RAB3A: variants seen among roughly 807,000 people sequenced by gnomAD.
RAB3A encodes ras-related protein Rab-3A.
Under a neutral mutation model 19.7 loss-of-function variants are expected in RAB3A, and 5 were observed. The ratio of observed to expected loss-of-function variants is 0.25; its 90% CI spans 0.13 to 0.53. The LOEUF is 0.53. RAB3A is among the 20% of genes least tolerant of loss of function. The pLI, the probability that RAB3A is intolerant of heterozygous loss-of-function variation, is 0.95. For synonymous variants in RAB3A, 119 were observed against 122.1 expected (o/e 0.97, Z 0.17); for missense variants, 189 against 305.6 (o/e 0.62, Z 2.85).
chr19:18,200,550 C>G, intron 2 of RAB3A, 105 bp from the exon 3 acceptor site: 1 of 954,644 alleles, frequency 1.0e-6, no homozygotes, highest in Non-Finnish European at 1.6e-6. Flanking sequence ...GAAGCAGGAG[C>G]TTGCCCAGGG....
rs1168626420 is a variant in RAB3A, at chr19:18,196,905, C to CGGGGGGGGGGGG, written c.*553_*564dup. ...ATGAGGTCAGAACAGGTCTGGTGGG[C>CGGGGGGGGGGGG]GGGGGGGGGGGGGGTCCCAGGGTGG... On this transcript the variant is annotated 3_prime_UTR_variant, in exon 5 of 5. Coordinates refer to ENST00000222256, the MANE Select transcript of RAB3A (RefSeq NM_002866.5). 5.1e-5 allele frequency: 1 copy of CGGGGGGGGGGGG among 19,446 alleles called. No individual in the cohort carries two copies. Among genetic ancestry groups the CGGGGGGGGGGGG allele is most frequent in the Non-Finnish European group, 8.9e-5 (1 of 11,220 alleles). The allele number at this position is 19,446 out of a possible 1,614,324, so 1.2% of individuals were successfully genotyped here. A position where few individuals can be genotyped will look rare whatever the true frequency, so the allele number is the denominator to read the frequency against.
At chr19:18,201,263 A>AAAGAAAGAAAG (rs1555819264) in intron 2 of RAB3A, among the ~76,000 whole-genome samples, 132 of 121,790 alleles carry the variant, frequency 1.1e-3, no homozygotes, top group East Asian at 2.9e-3. Context: ...AAAAAAAAAA[A>AAAGAAAGAAAG]AAAGAAAGAA....
intron 3 of RAB3A, 27 bp downstream of exon 3, chr19:18,200,300 A>AG (rs755544711): frequency 2.1e-4 from 322 of 1,500,508 alleles, no homozygotes; most frequent in Non-Finnish European, 2.7e-4. Flanking sequence ...AGAAAAGAAA[A>AG]AAAAAGAGCA....
At chr19:18,198,141 A>T (rs1268153704) in intron 4 of RAB3A, among the ~76,000 whole-genome samples, 1 of 151,928 alleles carries the variant, frequency 6.6e-6, no homozygotes, top group Non-Finnish European at 1.5e-5. Flanking sequence ...TGGCCCTGGA[A>T]GGCTCTGACA....
At position 18,200,391 on chromosome 19, in the gene RAB3A, C is replaced by T; in HGVS notation, c.283G>A (p.Ala95Thr). The change falls in exon 3 of 5, where the codon GCT becomes ACT. Residue 95 changes from alanine (A) to threonine (T), a missense_variant. Transcript: ENST00000222256. ...RTITTAYYRGAMGFILMYDIT... is the reference protein window; with the variant it reads ...RTITTAYYRGTMGFILMYDIT... ...TCATACATGAGGATGAAGCCCATAG[C>T]GCCCCGGTAGTATGCGGTGGTGATG... 1.2e-6 allele frequency: 2 copies of T among 1,614,076 alleles called. No individual in the cohort carries two copies. Among genetic ancestry groups the T allele is most frequent in the Non-Finnish European group, 8.5e-7 (1 of 1,179,972 alleles).
chr19:18,197,394 A>G lies in RAB3A; in HGVS notation c.*76T>C. The stretch of plus-strand genomic sequence containing the variant: ...CAGGGGTCTTGTGCCCGTGGCTGGT[A>G]GGGGCCGGGTCAGGCCCGGGTAGTT... On this transcript the variant is annotated 3_prime_UTR_variant, in exon 5 of 5. Transcript: ENST00000222256. 7.1e-7 allele frequency: 1 copy of G among 1,417,454 alleles called. No individual in the cohort carries two copies. Among genetic ancestry groups the G allele is most frequent in the Non-Finnish European group, 9.6e-7 (1 of 1,039,678 alleles). The allele number at this position is 1,417,454 out of a possible 1,614,324, so 87.8% of individuals were successfully genotyped here. A position where few individuals can be genotyped will look rare whatever the true frequency, so the allele number is the denominator to read the frequency against.
At chr19:18,199,126 T>C (rs1451187362) in intron 3 of RAB3A, among the ~76,000 whole-genome samples, 1 of 151,972 alleles carries the variant, frequency 6.6e-6, no homozygotes, top group Non-Finnish European at 1.5e-5. Flanking sequence ...CTTCTCAAAG[T>C]ACTGGAATTA....
chr19:18,202,913 G>A lies in RAB3A; in HGVS notation c.1-173C>T. 5.1e-6 allele frequency: 3 copies of A among 589,850 alleles called. No individual in the cohort carries two copies. The highest frequency in any genetic ancestry group is 4.5e-4 in the Middle Eastern group (1 of 2,246). The allele number at this position is 589,850 out of a possible 1,614,324, so 36.5% of individuals were successfully genotyped here. A position where few individuals can be genotyped will look rare whatever the true frequency, so the allele number is the denominator to read the frequency against. ...TGGTGCCCCCAGCAGAGGGCAGCCT[G>A]TGACCTTGAAATCCTGGGCGTTTCA... On this transcript the variant is annotated intron_variant, in intron 1 of 4. Coordinates refer to ENST00000222256, the MANE Select transcript of RAB3A (RefSeq NM_002866.5). This position sits in a 1 kb window ranked among gnomAD's most constrained non-coding sequence, Gnocchi z 4.2.
intron 1 of RAB3A, among the ~76,000 whole-genome samples, chr19:18,203,675 T>TC (rs1408785869): frequency 6.6e-6 from 1 of 151,940 alleles, no homozygotes; most frequent in Non-Finnish European, 1.5e-5. Context: ...TCGGCTCCCC[T>TC]CCCCCTCCGC....
intron 2 of RAB3A, among the ~76,000 whole-genome samples, chr19:18,201,692 T>C (rs189964262): frequency 2.0e-5 from 3 of 152,302 alleles, no homozygotes; most frequent in Admixed American, 2.0e-4. Flanking sequence ...GCACTTCCCT[T>C]GCTAAGTGAC....
In RAB3A at chr19:18,197,476, G is replaced by A; in HGVS notation, c.657C>T (p.Ala219=). The A allele has an allele frequency of 7.4e-6, 12 of 1,610,984 alleles. No homozygotes were observed. Among genetic ancestry groups the A allele is most frequent in the East Asian group, 2.2e-5 (1 of 44,788 alleles). ...AAAGGGAGTGGGATGGCTCTCAGCAGGCGCAGTCCTGGTGCGGTGGCACCT... is the reference window on the plus strand; with the variant it reads ...AAAGGGAGTGGGATGGCTCTCAGCAAGCGCAGTCCTGGTGCGGTGGCACCT... ...DQQVPPHQDC[A]C The change falls in exon 5 of 5, where the codon GCC becomes GCT. Residue 219 remains alanine (A), a synonymous_variant. Transcript: ENST00000222256.
intron 4 of RAB3A, 111 bp downstream of exon 4, chr19:18,198,614 C>T: frequency 7.1e-7 from 1 of 1,401,982 alleles, no homozygotes; most frequent in Non-Finnish European, 9.7e-7. Context: ...GGCTAGTTTG[C>T]AGAAAGTGTG....
rs1167382548 is a variant in RAB3A, at chr19:18,197,313, C to CAATA, written c.*153_*156dup. 4 of 721,528 alleles carry CAATA rather than the reference C, an allele frequency of 5.5e-6. No individual in the cohort carries two copies. The highest frequency in any genetic ancestry group is 8.7e-6 in the Non-Finnish European group (4 of 458,060). The allele number at this position is 721,528 out of a possible 1,614,324, so 44.7% of individuals were successfully genotyped here. ...AGCCTGGGCCCCTGGGGGACATCTT[C>CAATA]AATAAATAAATAAATAGCTACAATA... On this transcript the variant is annotated 3_prime_UTR_variant, in exon 5 of 5. Coordinates refer to ENST00000222256, the MANE Select transcript of RAB3A (RefSeq NM_002866.5).
Position 18,197,010 on chromosome 19 carries a change from T to G in RAB3A, c.*460A>C, listed in dbSNP as rs1967535350. ...GCAGGCCAGACTCTGATCCCCATGG[T>G]CCACACAGGGAAACCCCCAACAGCG... On this transcript the variant is annotated 3_prime_UTR_variant, in exon 5 of 5. Coordinates refer to ENST00000222256, the MANE Select transcript of RAB3A (RefSeq NM_002866.5). 6.0e-6 allele frequency: 1 copy of G among 166,718 alleles called. No homozygotes were observed. Among genetic ancestry groups the G allele is most frequent in the African/African-American group, 2.5e-5 (1 of 39,512 alleles). 10.3% of individuals were successfully genotyped at this position (166,718 alleles called of 1,614,324 possible). A position where few individuals can be genotyped will look rare whatever the true frequency, so the allele number is the denominator to read the frequency against.
chr19:18,201,263 A>AAGAAAGAAAGAAAT (rs1374690131), intron 2 of RAB3A, among the ~76,000 whole-genome samples: 1 of 121,778 alleles, frequency 8.2e-6, no homozygotes, highest in Admixed American at 8.8e-5. Context: ...AAAAAAAAAA[A>AAGAAAGAAAGAAAT]AAAGAAAGAA....
At position 18,202,305 on chromosome 19, in the gene RAB3A, G is replaced by A; in HGVS notation, c.228+208C>T. The A allele has an allele frequency of 3.7e-6, 2 of 544,378 alleles. No homozygotes were observed. 33.7% of individuals were successfully genotyped at this position (544,378 alleles called of 1,614,324 possible). ...AACCTCATACATGGAAGAACTTGAA[G>A]ATGGGGAAACTGAGGGACCAGGATT... On this transcript the variant is annotated intron_variant, in intron 2 of 4. Coordinates refer to ENST00000222256, the MANE Select transcript of RAB3A (RefSeq NM_002866.5). The surrounding 1 kb of genome is among the most constrained non-coding windows in gnomAD (Gnocchi z 4.2).
chr19:18,202,321 G>C lies in RAB3A; in HGVS notation c.228+192C>G. Reference sequence around the variant, plus strand: ...GAACTTGAAGATGGGGAAACTGAGGGACCAGGATTAGGTGCTTATGGGAGA... The same window carrying C: ...GAACTTGAAGATGGGGAAACTGAGGCACCAGGATTAGGTGCTTATGGGAGA... On this transcript the variant is annotated intron_variant, in intron 2 of 4. Coordinates refer to ENST00000222256, the MANE Select transcript of RAB3A (RefSeq NM_002866.5). This position sits in a 1 kb window ranked among gnomAD's most constrained non-coding sequence, Gnocchi z 4.2. 1.8e-6 allele frequency: 1 copy of C among 561,688 alleles called. No homozygotes were observed. The highest frequency in any genetic ancestry group is 3.0e-5 in the East Asian group (1 of 33,326). The allele number at this position is 561,688 out of a possible 1,614,324, so 34.8% of individuals were successfully genotyped here.
chr19:18,201,265 A>AAGAG (rs1161787024), intron 2 of RAB3A, among the ~76,000 whole-genome samples: 2 of 135,104 alleles, frequency 1.5e-5, no homozygotes, highest in Admixed American at 1.5e-4. Flanking sequence ...AAAAAAAAAA[A>AAGAG]AGAAAGAAAG....
At position 18,198,825 on chromosome 19, in the gene RAB3A, T is replaced by C; in HGVS notation, c.372A>G (p.Ser124=). 2 of 1,614,036 alleles carry C rather than the reference T, an allele frequency of 1.2e-6. No homozygotes were observed. The highest frequency in any genetic ancestry group is 1.7e-6 in the Non-Finnish European group (2 of 1,179,976). The part of the protein sequence containing the change: ...QDWSTQIKTY[S]WDNAQVLLVG... ...CCAGCAGCACCTGGGCATTGTCCCA[T>C]GAGTAGGTCTTGATCTGGGTGGACC... Residue 124 remains serine, a synonymous_variant, in exon 4 of 5, where the codon TCA becomes TCG. Coordinates refer to ENST00000222256, the MANE Select transcript of RAB3A (RefSeq NM_002866.5).
Sources: allele counts gnomAD v4.1 joint callset (sites outside exome capture counted in the v4.1 genomes callset), GRCh38; gene constraint gnomAD v4.1.1; non-coding constraint Gnocchi (gnomAD v3.1); transcripts MANE v1.5; gene names NCBI Gene and HGNC (gene_info 2026-07-23, HGNC 2026-07-21).